The following MAPRE2 variants were observed in gnomAD, a reference collection of about 807,000 sequenced individuals.
MAPRE2 encodes the protein microtubule-associated protein RP/EB family member 2.
A neutral mutation model predicts 43.2 loss-of-function variants in MAPRE2; 13 were observed. That is an observed-to-expected ratio of 0.30 (90% CI 0.20 to 0.48). The LOEUF is 0.48. Ranked by LOEUF, MAPRE2 falls within the 20% of genes least tolerant of loss-of-function variation. The pLI is 0.99. For synonymous variants in MAPRE2, 135 were observed against 148.8 expected (o/e 0.91, Z 0.68); for missense variants, 161 against 400.2 (o/e 0.40, Z 5.10).
intron 2 of MAPRE2, among the ~76,000 whole-genome samples, chr18:35,025,256 C>T (rs1568975292): frequency 6.6e-6 from 1 of 152,282 alleles, no homozygotes; most frequent in Non-Finnish European, 1.5e-5. Flanking sequence ...GAGTGTTTTG[C>T]GTGCAGAATG....
Position 35,102,488 on chromosome 18 carries a change from T to G in MAPRE2, c.610+329T>G, listed in dbSNP as rs527983922. Among the ~76,000 whole-genome samples the G allele has an allele frequency of 5.3e-5, 8 of 152,350 alleles. 1 individual carries two copies. The South Asian group carries it at 1.7e-3, about 32-fold the overall frequency. On this transcript the variant is annotated intron_variant, in intron 4 of 6. Coordinates refer to ENST00000300249, the MANE Select transcript of MAPRE2 (RefSeq NM_014268.4). ...TCAAGTAGCCTGTTTAGATTTTGAC[T>G]GAAGTATTTTTACTGCTTAATTGCT...
intron 1 of MAPRE2, among the ~76,000 whole-genome samples, chr18:35,043,682 G>T (rs928461714): frequency 3.3e-5 from 5 of 152,198 alleles, no homozygotes; most frequent in African/African-American, 9.7e-5. Context: ...CACTGCATTT[G>T]TATTTGATAT....
At chr18:35,123,034 C>T (rs558671523) in intron 4 of MAPRE2, among the ~76,000 whole-genome samples, 11 of 152,348 alleles carry the variant, frequency 7.2e-5, no homozygotes, top group East Asian at 3.9e-4. Context: ...CCCTCCCTGC[C>T]GTGAGCCATG....
At chr18:34,977,410 G>T (rs1186646566) in intron 1 of MAPRE2, among the ~76,000 whole-genome samples, 1 of 152,236 alleles carries the variant, frequency 6.6e-6, no homozygotes, top group Non-Finnish European at 1.5e-5. Context: ...GTTCTGAGGG[G>T]TGAGGCTGGG....
chr18:35,005,670 C>T (rs145358119), intron 2 of MAPRE2: 42 of 531,434 alleles, frequency 7.9e-5, no homozygotes, highest in African/African-American at 6.6e-4. Context: ...CAATTAAAGC[C>T]GATATTTGAG....
At chr18:35,040,217 A>T (rs74472680), upstream of MAPRE2, among the ~76,000 whole-genome samples, 1 of 150,668 alleles carries the variant, frequency 6.6e-6, no homozygotes, top group Non-Finnish European at 1.5e-5. Context: ...AAATAATAAT[A>T]AAAAAAAAAT....
chr18:34,978,419 G>A (rs1331141076), intron 1 of MAPRE2: 1 of 1,083,360 alleles, frequency 9.2e-7, no homozygotes, highest in African/African-American at 1.6e-5. Context: ...CCCAGCTGGG[G>A]TGAAGTGTGC....
intron 4 of MAPRE2, among the ~76,000 whole-genome samples, chr18:35,123,453 C>A (rs1236109461): frequency 1.3e-5 from 2 of 152,144 alleles, no homozygotes; most frequent in Non-Finnish European, 2.9e-5. Flanking sequence ...TCTAGGGAAG[C>A]CCCCTCTGCA....
chr18:35,041,342 T>A (rs781202436), upstream of MAPRE2: 525 of 1,437,088 alleles, frequency 3.7e-4, no homozygotes, highest in Non-Finnish European at 3.9e-4. Flanking sequence ...ACCAGGGTGC[T>A]GCTGCCGGCG....
intron 1 of MAPRE2, among the ~76,000 whole-genome samples, chr18:35,001,730 G>T (rs765203163): frequency 3.3e-5 from 5 of 151,378 alleles, no homozygotes; most frequent in African/African-American, 4.9e-5. Context: ...TTTTTTTCTT[G>T]GATCTGTGCA....
intron 1 of MAPRE2, among the ~76,000 whole-genome samples, chr18:34,987,394 C>T (rs147346544): frequency 6.6e-5 from 10 of 152,260 alleles, no homozygotes; most frequent in East Asian, 1.9e-4. Flanking sequence ...ACAATCTTCA[C>T]GTTAACAAAT....
At chr18:35,057,503 T>TGTGC (rs1906297053) in intron 1 of MAPRE2, among the ~76,000 whole-genome samples, 2 of 109,738 alleles carry the variant, frequency 1.8e-5, no homozygotes, top group African/African-American at 7.5e-5. Flanking sequence ...GCAAGGAGTG[T>TGTGC]GTGCGTGTGT....
At chr18:35,000,959 G>A (rs1164530960) in intron 1 of MAPRE2, among the ~76,000 whole-genome samples, 10 of 152,092 alleles carry the variant, frequency 6.6e-5, no homozygotes, top group Admixed American at 5.9e-4. Flanking sequence ...CTCCATACAC[G>A]TACCTGTAGT....
intron 2 of MAPRE2, among the ~76,000 whole-genome samples, chr18:35,027,758 A>G (rs1326095650): frequency 6.6e-6 from 1 of 152,226 alleles, no homozygotes; most frequent in East Asian, 1.9e-4. Context: ...GTCCTACATT[A>G]TGGTTTTGTG....
chr18:35,130,532 G>A (rs1910099906), intron 5 of MAPRE2, among the ~76,000 whole-genome samples: 1 of 152,132 alleles, frequency 6.6e-6, no homozygotes, highest in African/African-American at 2.4e-5. Flanking sequence ...AGTAATTCCA[G>A]ATGGATAAAG....
chr18:35,143,344 C>T lies in MAPRE2; in HGVS notation c.*2975C>T, dbSNP rs374745252. The T allele has an allele frequency of 8.5e-5, 13 of 152,068 alleles. 1 individual carries two copies. Among genetic ancestry groups the T allele is most frequent in the Admixed American group, 3.9e-4 (6 of 15,286 alleles). The allele number at this position is 152,068 out of a possible 1,614,324, so 9.4% of individuals were successfully genotyped here. ...ATGAAAAAGTCTTATTCAGATGTAT[C>T]ACATTCATTTTACATTACCCACCTA... On this transcript the variant is annotated 3_prime_UTR_variant, in exon 7 of 7. Coordinates refer to ENST00000300249, the MANE Select transcript of MAPRE2 (RefSeq NM_014268.4).
At chr18:35,064,412 C>T (rs1264813508) in intron 1 of MAPRE2, among the ~76,000 whole-genome samples, 1 of 151,988 alleles carries the variant, frequency 6.6e-6, no homozygotes, top group African/African-American at 2.4e-5. Flanking sequence ...AGCCCCCTCC[C>T]CTGAAGTATG....
At position 35,009,426 on chromosome 18, in the gene MAPRE2, G is replaced by A. The variant is rs528419955; in HGVS notation, c.-8+3873G>A. ...TAAAAAATCATTATAAGGGTGATAAGCAGGCTAGCTTGCCTGGCAGAAGAT... is the reference window on the plus strand; with the variant it reads ...TAAAAAATCATTATAAGGGTGATAAACAGGCTAGCTTGCCTGGCAGAAGAT... On this transcript the variant is annotated intron_variant, in intron 2 of 7. Transcript: ENST00000413393. 8.6e-4 allele frequency among the ~76,000 whole-genome samples: 131 copies of A among 152,324 alleles called. 1 individual carries two copies. The Middle Eastern group carries it at 0.014, about 16-fold the overall frequency.
At chr18:35,012,332 C>A (rs1211339859) in intron 2 of MAPRE2, among the ~76,000 whole-genome samples, 1 of 151,952 alleles carries the variant, frequency 6.6e-6, no homozygotes, top group African/African-American at 2.4e-5. Flanking sequence ...AGCAGTAAGC[C>A]ACAAATATAG....
Sources: gnomAD v4.1 joint callset for allele counts (sites outside exome capture counted in the v4.1 genomes callset) on GRCh38, gnomAD v4.1.1 for gene constraint, MANE v1.5 for transcripts, NCBI Gene and HGNC (gene_info 2026-07-23, HGNC 2026-07-21) for gene names.